The following SBF2 variants were observed in gnomAD, a reference collection of about 807,000 sequenced individuals.
SBF2 encodes myotubularin-related protein 13.
SBF2 carries 112 observed loss-of-function variants against 225.2 expected under a neutral mutation model. The ratio of observed to expected loss-of-function variants is 0.50; its 90% confidence interval spans 0.43 to 0.58. The LOEUF (loss-of-function observed/expected upper bound fraction) is 0.58, where lower values mean the gene tolerates loss of function less well. Ranked by LOEUF, SBF2 falls within the 20% of genes least tolerant of loss-of-function variation. The pLI, the probability that SBF2 is intolerant of heterozygous loss-of-function variation, is 0.00. For synonymous variants in SBF2, 763 were observed against 773.3 expected, an observed-to-expected ratio of 0.99 and a Z score of 0.22; for missense variants, 1,996 against 2,206.2, an observed-to-expected ratio of 0.90 and a Z score of 1.91.
chr11:9,965,838 G>A (rs1412614640), intron 14 of SBF2, among the ~76,000 whole-genome samples: 2 of 151,910 alleles, frequency 1.3e-5, no homozygotes, highest in African/African-American at 4.8e-5. Context: ...ATTATTTCAC[G>A]TGACTTTTCT....
intron 2 of SBF2, among the ~76,000 whole-genome samples, chr11:10,075,889 A>G (rs6483966): frequency 0.48 from 72,153 of 151,502 alleles, 17,496 homozygotes; most frequent in Admixed American, 0.57. Flanking sequence ...ACAGAAAACC[A>G]TTTCTGGTAG....
intron 1 of SBF2, among the ~76,000 whole-genome samples, chr11:10,300,930 C>T (rs914028364): frequency 2.6e-5 from 4 of 151,604 alleles, no homozygotes; most frequent in African/African-American, 7.3e-5. Context: ...ATTACAGGCA[C>T]GAGCCACTGT....
chr11:10,194,291 A>G (rs1957285090), intron 1 of SBF2, among the ~76,000 whole-genome samples: 1 of 152,216 alleles, frequency 6.6e-6, no homozygotes, highest in Non-Finnish European at 1.5e-5. Flanking sequence ...ATACAGTATA[A>G]CAAATATTTC....
At chr11:9,828,540 C>T (rs181650061) in intron 28 of SBF2, 1 of 985,376 alleles carries the variant, frequency 1.0e-6, no homozygotes, top group East Asian at 1.1e-4. Context: ...GCTGATTAAG[C>T]CAAAGAGACC....
chr11:10,184,928 G>C (rs891568129), intron 2 of SBF2, among the ~76,000 whole-genome samples: 2 of 151,972 alleles, frequency 1.3e-5, no homozygotes, highest in African/African-American at 2.4e-5. Context: ...GGGTTTCACC[G>C]TGTTAGCCAG....
At chr11:10,194,011 C>A in intron 1 of SBF2, 24 bp from the exon 2 acceptor site, 1 of 1,472,362 alleles carries the variant, frequency 6.8e-7, no homozygotes, top group South Asian at 1.1e-5. Flanking sequence ...CAAAGTGAAT[C>A]ATTATTATAG....
intron 1 of SBF2, among the ~76,000 whole-genome samples, chr11:10,274,946 T>G (rs530770302): frequency 2.8e-4 from 42 of 152,226 alleles, no homozygotes; most frequent in African/African-American, 1.0e-3. Flanking sequence ...GTGGAAGCAA[T>G]ATGCAAATGA....
At chr11:9,945,756 T>C (rs1305010908) in intron 16 of SBF2, among the ~76,000 whole-genome samples, 1 of 151,614 alleles carries the variant, frequency 6.6e-6, no homozygotes, top group Non-Finnish European at 1.5e-5. Context: ...ACCCAAATAA[T>C]AAAAAATGGG....
At chr11:10,017,333 CA>C (rs1412570007) in intron 6 of SBF2, among the ~76,000 whole-genome samples, 2 of 152,130 alleles carry the variant, frequency 1.3e-5, no homozygotes, top group Non-Finnish European at 2.9e-5. Context: ...GAATATAGTT[CA>C]AAAAGCCCTG....
At position 10,094,369 on chromosome 11, in the gene SBF2, C is replaced by T. The variant is rs192393054; in HGVS notation, c.142-51388G>A. Among the ~76,000 whole-genome samples the T allele has an allele frequency of 3.3e-4, 50 of 151,990 alleles. 1 individual carries two copies. Among genetic ancestry groups the T allele is most frequent in the African/African-American group, 8.9e-4 (37 of 41,458 alleles). On this transcript the variant is annotated intron_variant, in intron 2 of 39. Transcript: ENST00000256190. ...TATTAACTTTTTATTCAAAATAAGG[C>T]CTGTAATTTCCCACTTCCATTTAGA... is the stretch of plus-strand genomic sequence containing the variant.
chr11:10,210,818 G>C (rs1424546867), intron 1 of SBF2, among the ~76,000 whole-genome samples: 1 of 151,924 alleles, frequency 6.6e-6, no homozygotes, highest in Admixed American at 6.6e-5. Context: ...TTAGAGACCA[G>C]CCTGGCCAAC....
chr11:10,056,828 T>C (rs1950271876), intron 2 of SBF2, among the ~76,000 whole-genome samples: 1 of 152,192 alleles, frequency 6.6e-6, no homozygotes. Flanking sequence ...TTTGGGTGAC[T>C]TAACCGTTCT....
intron 1 of SBF2, among the ~76,000 whole-genome samples, chr11:10,228,853 CCT>C (rs1003051932): frequency 5.9e-4 from 90 of 152,180 alleles, no homozygotes; most frequent in African/African-American, 2.0e-3. Flanking sequence ...GGGAGGATTC[CCT>C]CTTTTTCCAT....
intron 1 of SBF2, among the ~76,000 whole-genome samples, chr11:10,230,972 C>T (rs1275543252): frequency 6.6e-6 from 1 of 152,184 alleles, no homozygotes; most frequent in Non-Finnish European, 1.5e-5. Flanking sequence ...TTGGTCTTTT[C>T]ACATAGTCCC....
chr11:10,002,467 T>C (rs1221444898), intron 7 of SBF2, 90 bp downstream of exon 7: 92 of 1,077,166 alleles, frequency 8.5e-5, no homozygotes, highest in Middle Eastern at 2.6e-4. Flanking sequence ...CCTATGTGGT[T>C]CAAAACCATT....
At chr11:10,083,377 A>C (rs898362947) in intron 2 of SBF2, among the ~76,000 whole-genome samples, 31 of 152,202 alleles carry the variant, frequency 2.0e-4, no homozygotes, top group Non-Finnish European at 1.0e-4. Context: ...GAATTAGAAA[A>C]AATAATCCTA....
At chr11:9,984,764 G>A (rs1947123615) in intron 13 of SBF2, among the ~76,000 whole-genome samples, 1 of 152,156 alleles carries the variant, frequency 6.6e-6, no homozygotes, top group South Asian at 2.1e-4. Context: ...GAAGAGACTG[G>A]AGCCCTATCT....
chr11:9,872,340 T>G (rs1347095503), intron 17 of SBF2, among the ~76,000 whole-genome samples: 1 of 152,110 alleles, frequency 6.6e-6, no homozygotes, highest in African/African-American at 2.4e-5. Context: ...GAATACCTAA[T>G]GGATGCTGGG....
intron 2 of SBF2, among the ~76,000 whole-genome samples, chr11:10,169,490 G>T (rs566644658): frequency 6.6e-6 from 1 of 152,188 alleles, no homozygotes; most frequent in African/African-American, 2.4e-5. Context: ...CCAGTTTCAT[G>T]TTGTTGCAAA....
Sources: allele counts gnomAD v4.1 joint callset (sites outside exome capture counted in the v4.1 genomes callset), GRCh38; gene constraint gnomAD v4.1.1; transcripts MANE v1.5; gene names NCBI Gene and HGNC (gene_info 2026-07-23, HGNC 2026-07-21).